The following C3orf20 variants were observed in gnomAD, a reference collection of about 807,000 sequenced individuals.
C3orf20 encodes the protein uncharacterized protein C3orf20.
Under a neutral mutation model 88.3 loss-of-function variants are expected in C3orf20, and 76 were observed. The ratio of observed to expected loss-of-function variants is 0.86; its 90% confidence interval spans 0.72 to 1.04. The LOEUF (loss-of-function observed/expected upper bound fraction) is 1.04. C3orf20 is among the 50% of genes least tolerant of loss of function. The pLI is 0.00. For synonymous variants in C3orf20, 436 were observed against 437.4 expected (o/e 1.00, Z 0.04); for missense variants, 1,056 against 1,123.3 (o/e 0.94, Z 0.86).
intron 5 of C3orf20, among the ~76,000 whole-genome samples, chr3:14,692,022 C>T (rs1412311858): frequency 6.6e-6 from 1 of 152,188 alleles, no homozygotes; most frequent in Non-Finnish European, 1.5e-5. Context: ...GCTTATTTCA[C>T]TTAACATAAT....
Position 14,772,092 on chromosome 3 carries a change from G to A in C3orf20, c.2521G>A (p.Glu841Lys), listed in dbSNP as rs2035873448. 1 of 1,614,218 alleles carries A rather than the reference G, an allele frequency of 6.2e-7. No homozygotes were observed. The highest frequency in any genetic ancestry group is 1.1e-5 in the South Asian group (1 of 91,080). ...FSVPNSVLSL[E>K]DSESVKKAES... ...TGTTCCCAACTCTGTCCTGAGCCTG[G>A]AGGATTCTGAATCAGTCAAGAAAGC... The change falls in exon 16 of 17, where the codon GAG (glutamate) becomes AAG (lysine). Residue 841 changes from glutamate to lysine, a missense_variant. By Grantham distance (56) the Glu-to-Lys change is moderately conservative. Coordinates refer to ENST00000253697, the MANE Select transcript of C3orf20 (RefSeq NM_032137.5). This position sits in a 1 kb window ranked among gnomAD's most constrained non-coding sequence, Gnocchi z 4.2.
At chr3:14,698,875 G>C (rs539867527) in intron 5 of C3orf20, among the ~76,000 whole-genome samples, 2 of 152,196 alleles carry the variant, frequency 1.3e-5, no homozygotes, top group Non-Finnish European at 2.9e-5. Flanking sequence ...AGTTCCCTCA[G>C]GCCCCAGGCA....
At chr3:14,735,818 C>T (rs935889169) in intron 12 of C3orf20, among the ~76,000 whole-genome samples, 5 of 152,246 alleles carry the variant, frequency 3.3e-5, no homozygotes. Context: ...TGGTCTTGAA[C>T]TCCTGACCTC....
At chr3:14,726,832 T>G in intron 10 of C3orf20, 69 bp from the exon 11 acceptor site, 6 of 1,605,088 alleles carry the variant, frequency 3.7e-6, no homozygotes, top group Non-Finnish European at 5.1e-6. Context: ...AAGTCTTAGT[T>G]ATCCTGGACT....
At chr3:14,730,689 G>A (rs1237635493) in intron 12 of C3orf20, among the ~76,000 whole-genome samples, 3 of 152,154 alleles carry the variant, frequency 2.0e-5, no homozygotes, top group Non-Finnish European at 4.4e-5. Context: ...TGCTGTCATT[G>A]AGTATGTGTA....
At chr3:14,739,438 G>A (rs1035275587) in intron 12 of C3orf20, among the ~76,000 whole-genome samples, 1 of 152,192 alleles carries the variant, frequency 6.6e-6, no homozygotes. Context: ...TGAATAGATT[G>A]CTGTCATCCA....
At chr3:14,738,496 T>G (rs993464569) in intron 12 of C3orf20, among the ~76,000 whole-genome samples, 4 of 151,710 alleles carry the variant, frequency 2.6e-5, no homozygotes, top group African/African-American at 9.7e-5. Context: ...ACCTGGCTAA[T>G]TTTTTGTATT....
At chr3:14,702,641 A>G (rs2033322323) in intron 5 of C3orf20, among the ~76,000 whole-genome samples, 1 of 152,048 alleles carries the variant, frequency 6.6e-6, no homozygotes, top group Non-Finnish European at 1.5e-5. Context: ...GGGTTTCACC[A>G]TGTTGGCCAG....
In C3orf20 at chr3:14,677,331, A is replaced by G. The variant is rs115984981; in HGVS notation, c.-299+2079A>G. Among the ~76,000 whole-genome samples, 512 of 152,142 alleles carry G rather than the reference A, an allele frequency of 3.4e-3. 1 individual carries two copies. The highest frequency in any genetic ancestry group is 0.012 in the African/African-American group (489 of 41,502). On this transcript the variant is annotated intron_variant, in intron 1 of 16. Coordinates refer to ENST00000253697, the MANE Select transcript of C3orf20 (RefSeq NM_032137.5). ...TTTAAATCTATGCTTATTTCCCCTC[A>G]GCTGCCTTCTGGCCGGGTACCCTTG...
At chr3:14,676,185 C>A (rs983200864) in intron 1 of C3orf20, among the ~76,000 whole-genome samples, 38 of 151,374 alleles carry the variant, frequency 2.5e-4, no homozygotes, top group African/African-American at 8.2e-4. Context: ...CCACACCAGC[C>A]TCTCCATGCA....
chr3:14,725,321 G>T (rs955765922), intron 10 of C3orf20, among the ~76,000 whole-genome samples: 5 of 152,160 alleles, frequency 3.3e-5, no homozygotes, highest in African/African-American at 1.2e-4. Flanking sequence ...CTCCCTCCAA[G>T]TCCCTGTCAC....
chr3:14,690,528 G>A (rs1403890364), intron 5 of C3orf20, among the ~76,000 whole-genome samples: 2 of 152,190 alleles, frequency 1.3e-5, no homozygotes, highest in African/African-American at 2.4e-5. Context: ...ACCAAACCTG[G>A]TAGACCTCAG....
intron 8 of C3orf20, among the ~76,000 whole-genome samples, chr3:14,714,846 A>G (rs1553612829): frequency 6.6e-6 from 1 of 152,156 alleles, no homozygotes; most frequent in Non-Finnish European, 1.5e-5. Context: ...GCCTCAAACA[A>G]TCCTCCTGCC....
chr3:14,760,606 C>CTTTTT (rs33982218), intron 14 of C3orf20, among the ~76,000 whole-genome samples: 25 of 97,782 alleles, frequency 2.6e-4, no homozygotes, highest in Admixed American at 3.7e-4. Context: ...AGTCTGTCTT[C>CTTTTT]TTTTTTTTTT....
chr3:14,752,533 C>T (rs1450607399), intron 12 of C3orf20, among the ~76,000 whole-genome samples: 1 of 152,194 alleles, frequency 6.6e-6, no homozygotes, highest in Non-Finnish European at 1.5e-5. Flanking sequence ...AAGAAACTAT[C>T]ATCAGAGTGA....
In C3orf20 at chr3:14,721,674, A is replaced by G; in HGVS notation, c.1456A>G (p.Lys486Glu). Residue 486 changes from lysine (K) to glutamate (E), a missense_variant, in exon 10 of 17, where the codon AAG becomes GAG. Coordinates refer to ENST00000253697, the MANE Select transcript of C3orf20 (RefSeq NM_032137.5). The stretch of plus-strand genomic sequence containing the variant: ...ACAGGTGAATGAGGAAATGAAACTA[A>G]AGGTACTGGGACAGGACTCCATCAC... ...EYKVNEEMKL[K>E]VLGQDSITVT... The G allele has an allele frequency of 6.2e-7, 1 of 1,614,144 alleles. No individual in the cohort carries two copies. Among genetic ancestry groups the G allele is most frequent in the Non-Finnish European group, 8.5e-7 (1 of 1,180,004 alleles).
chr3:14,706,482 C>A (rs1314900265), intron 7 of C3orf20, among the ~76,000 whole-genome samples: 4 of 151,614 alleles, frequency 2.6e-5, no homozygotes, highest in African/African-American at 9.7e-5. Context: ...GAGCACAGCA[C>A]CCTAGCCTGC....
intron 13 of C3orf20, among the ~76,000 whole-genome samples, chr3:14,758,297 G>A (rs910031056): frequency 6.6e-5 from 10 of 152,124 alleles, no homozygotes; most frequent in African/African-American, 1.9e-4. Flanking sequence ...TCCTAGAAGA[G>A]GCAGTGGCCT....
In C3orf20 at chr3:14,772,702, C is replaced by G; in HGVS notation, c.2631-89C>G. 2 of 1,028,778 alleles carry G rather than the reference C, an allele frequency of 1.9e-6. No homozygotes were observed. Among genetic ancestry groups the G allele is most frequent in the Non-Finnish European group, 3.0e-6 (2 of 664,182 alleles). The allele number at this position is 1,028,778 out of a possible 1,614,324, so 63.7% of individuals were successfully genotyped here. A position where few individuals can be genotyped will look rare whatever the true frequency, so the allele number is the denominator to read the frequency against. ...AGCCTCACCTGTGCAAGGGAGAGGG[C>G]CTTGCCCCTCCTGGCCCAACCGGGC... On this transcript the variant is annotated intron_variant, in intron 16 of 16. Transcript: ENST00000253697. The surrounding 1 kb of genome is among the most constrained non-coding windows in gnomAD (Gnocchi z 4.2).
Sources: gnomAD v4.1 joint callset for allele counts (sites outside exome capture counted in the v4.1 genomes callset) on GRCh38, gnomAD v4.1.1 for gene constraint, Gnocchi (gnomAD v3.1) non-coding constraint, MANE v1.5 for transcripts, NCBI Gene and HGNC (gene_info 2026-07-23, HGNC 2026-07-21) for gene names.